Variants in INTS11 observed in about 807,000 individuals in gnomAD.
The protein encoded by INTS11 is integrator complex subunit 11.
A neutral mutation model predicts 78.6 loss-of-function variants in INTS11; 77 were observed. The observed-to-expected ratio is 0.98, with a 90% CI of 0.81 to 1.18. The LOEUF is 1.18. Ranked by LOEUF, INTS11 falls within the 50% of genes most tolerant of loss-of-function variation. The pLI is 0.00. For missense variants in INTS11, 875 were observed against 825.9 expected, an observed-to-expected ratio of 1.06 and a Z score of -0.73; for synonymous variants, 441 against 326.9, an observed-to-expected ratio of 1.35 and a Z score of -3.77.
chr1:1,314,367 T>C lies in INTS11; in HGVS notation c.703-2A>G. 6.2e-7 allele frequency: 1 copy of C among 1,604,810 alleles called. No homozygotes were observed. The highest frequency in any genetic ancestry group is 8.5e-7 in the Non-Finnish European group (1 of 1,176,004). ...CAGCGCGAACACAGGTATCAGCACC[T>C]GAGGGGGACACAAGGCAGGAGCCCT... On this transcript the variant is annotated splice_acceptor_variant, in intron 7 of 16. Coordinates refer to ENST00000435064, the MANE Select transcript of INTS11 (RefSeq NM_017871.6). LOFTEE classifies it high-confidence loss of function. This position sits in a 1 kb window ranked among gnomAD's most constrained non-coding sequence, Gnocchi z 4.2.
chr1:1,313,054 T>G lies in INTS11; in HGVS notation c.1112A>C (p.Glu371Ala). The stretch of plus-strand genomic sequence containing the variant: ...ACTCACCACCTGCCGCCCCTCCATC[T>G]CGAGCTTCCGCTGCCCGCTGAGGAT... ...HKILSGQRKL[E>A]MEGRQVLEVK... Residue 371 changes from glutamate (E) to alanine (A), a missense_variant, in exon 11 of 17, where the codon GAG (glutamate) becomes GCG (alanine). Transcript: ENST00000435064. 1.2e-6 allele frequency: 2 copies of G among 1,610,644 alleles called. No individual in the cohort carries two copies. The highest frequency in any genetic ancestry group is 1.7e-6 in the Non-Finnish European group (2 of 1,179,822).
Position 1,312,954 on chromosome 1 carries a change from A to G in INTS11, c.1132-5T>C, listed in dbSNP as rs1312106942. ...CACCTGCATCTTGACCTCCAGCTAC[A>G]GAGGCCACGGGGCGTGGACAGTGGT... is the stretch of plus-strand genomic sequence containing the variant. On this transcript the variant is annotated splice_region_variant and splice_polypyrimidine_tract_variant and intron_variant, in intron 11 of 16. Coordinates refer to ENST00000435064, the MANE Select transcript of INTS11 (RefSeq NM_017871.6). 5 of 1,611,582 alleles carry G rather than the reference A, an allele frequency of 3.1e-6. No homozygotes were observed. The highest frequency in any genetic ancestry group is 1.6e-4 in the Middle Eastern group (1 of 6,080).
In INTS11 at chr1:1,312,380, G is replaced by T; in HGVS notation, c.1465-12C>A. On this transcript the variant is annotated splice_polypyrimidine_tract_variant and intron_variant, in intron 14 of 16. Transcript: ENST00000435064. ...ACCAGCCGGAAGTTCTGTGGGGCAG[G>T]GACAGGTCAGTGAGCGCAGCAGCGG... The T allele has an allele frequency of 6.4e-7, 1 of 1,567,288 alleles. No individual in the cohort carries two copies. Among genetic ancestry groups the T allele is most frequent in the East Asian group, 2.3e-5 (1 of 42,632 alleles).
At position 1,314,638 on chromosome 1, in the gene INTS11, G is replaced by A. The variant is rs1454575405; in HGVS notation, c.702+186C>T. The A allele has an allele frequency of 5.2e-6, 4 of 768,482 alleles. No individual in the cohort carries two copies. Among genetic ancestry groups the A allele is most frequent in the Non-Finnish European group, 8.2e-6 (4 of 487,166 alleles). 47.6% of individuals were successfully genotyped at this position (768,482 alleles called of 1,614,324 possible). A position where few individuals can be genotyped will look rare whatever the true frequency, so the allele number is the denominator to read the frequency against. On this transcript the variant is annotated intron_variant, in intron 7 of 16. Coordinates refer to ENST00000435064, the MANE Select transcript of INTS11 (RefSeq NM_017871.6). The surrounding 1 kb of genome is among the most constrained non-coding windows in gnomAD (Gnocchi z 4.2). The stretch of plus-strand genomic sequence containing the variant: ...TCCGCACCTGAGGTAGGAGGGAAAA[G>A]GGGCTCCCTAGGAAAGGGTCTCTGA...
At position 1,312,138 on chromosome 1, in the gene INTS11, C is replaced by T; in HGVS notation, c.1617G>A (p.Lys539=). The T allele has an allele frequency of 6.5e-7, 1 of 1,540,320 alleles. No individual in the cohort carries two copies. The highest frequency in any genetic ancestry group is 8.7e-7 in the Non-Finnish European group (1 of 1,144,158). ...RVYSHLKSVL[K]DHCVQHLPDG... ...CTGGGAGGTGCTGCACACAGTGGTC[C>T]TTCAGGACGCTGTGGGGAGGCTCGG... The change falls in exon 16 of 17, where the codon AAG becomes AAA. Residue 539 remains lysine, a synonymous_variant. Transcript: ENST00000435064.
Position 1,312,209 on chromosome 1 carries a change from CGGG to C in INTS11, c.1607+14_1607+16del. The C allele has an allele frequency of 3.5e-6, 3 of 863,226 alleles. No individual in the cohort carries two copies. Among genetic ancestry groups the C allele is most frequent in the East Asian group, 6.4e-5 (2 of 31,286 alleles). The allele number at this position is 863,226 out of a possible 1,614,324, so 53.5% of individuals were successfully genotyped here. On this transcript the variant is annotated intron_variant, in intron 15 of 16. Coordinates refer to ENST00000435064, the MANE Select transcript of INTS11 (RefSeq NM_017871.6). ...AGGGCCCAAGGGAGTGGGGGGGGGG[CGGG>C]GCCGGGCGCCCACCTCTTGAGGTGG...
intron 4 of INTS11, chr1:1,318,869 T>A: frequency 1.5e-6 from 1 of 655,588 alleles, no homozygotes. Context: ...CCTTCACTTC[T>A]TCCCTGACCC....
At chr1:1,323,689 G>A (rs1043168398) in intron 1 of INTS11, among the ~76,000 whole-genome samples, 1 of 151,264 alleles carries the variant, frequency 6.6e-6, no homozygotes, top group African/African-American at 2.4e-5. Flanking sequence ...GTGATTGCAG[G>A]CGTGAGCCAC....
chr1:1,320,836 C>T (rs757434118), intron 2 of INTS11, 160 bp downstream of exon 2: 2 of 774,862 alleles, frequency 2.6e-6, no homozygotes, highest in South Asian at 2.9e-5. Context: ...TGCAGGGGCT[C>T]ACCTCGGCCA....
chr1:1,315,681 GGCGGGGGACGGGAAGC>G (rs1459389590), intron 4 of INTS11, 63 bp from the exon 5 acceptor site: 5 of 916,644 alleles, frequency 5.5e-6, no homozygotes, highest in African/African-American at 1.8e-5. Flanking sequence ...GAGTGAGGGA[GGCGGGGGACGGGAAGC>G]GCGGGAGGCG....
Position 1,311,885 on chromosome 1 carries a change from T to C in INTS11, c.1777A>G (p.Lys593Glu). Reference protein sequence around the residue: ...LGSFLTSLLKKGLPQAPS With the variant: ...LGSFLTSLLKEGLPQAPS The stretch of plus-strand genomic sequence containing the variant: ...CAGCTGGGGGCCTGGGGGAGGCCCT[T>C]CTTCAGCAGAGATGTGAGGAAGCTC... Residue 593 changes from lysine (K) to glutamate (E), a missense_variant, in exon 17 of 17, where the codon AAG becomes GAG. By Grantham distance (56) the Lys-to-Glu change is moderately conservative. Coordinates refer to ENST00000435064, the MANE Select transcript of INTS11 (RefSeq NM_017871.6). The C allele has an allele frequency of 1.9e-6, 3 of 1,567,168 alleles. No individual in the cohort carries two copies. The highest frequency in any genetic ancestry group is 2.6e-6 in the Non-Finnish European group (3 of 1,156,344).
intron 16 of INTS11, 40 bp downstream of exon 16, chr1:1,311,978 T>TA: frequency 6.3e-7 from 1 of 1,599,066 alleles, no homozygotes; most frequent in South Asian, 1.1e-5. Context: ...GGAATGTTGA[T>TA]ACCTGTGTTG....
At chr1:1,319,757 T>C in intron 3 of INTS11, 1 of 554,860 alleles carries the variant, frequency 1.8e-6, no homozygotes, top group Non-Finnish European at 3.2e-6. Context: ...GACGGCGACA[T>C]GCTCGCGAGA....
chr1:1,318,371 G>A (rs528750181), intron 4 of INTS11, among the ~76,000 whole-genome samples: 11 of 152,224 alleles, frequency 7.2e-5, no homozygotes, highest in African/African-American at 2.6e-4. Flanking sequence ...ATGTACTGAG[G>A]GAGTTGCCAG....
Position 1,311,827 on chromosome 1 carries a change from G to C in INTS11, c.*32C>G, listed in dbSNP as rs538583128. ...CCCAGGGTCTGTCCAGCTGGGAGAG[G>C]GCAGAGGTGGCGGCTGGGTGAGTTG... On this transcript the variant is annotated 3_prime_UTR_variant, in exon 17 of 17. Transcript: ENST00000435064. The C allele has an allele frequency of 4.6e-6, 7 of 1,533,566 alleles. No individual in the cohort carries two copies. The African/African-American group carries it at 9.7e-5, about 21-fold the overall frequency. The allele number at this position is 1,533,566 out of a possible 1,614,324, so 95.0% of individuals were successfully genotyped here.
At chr1:1,322,830 G>A (rs1468667063) in intron 1 of INTS11, 15 of 1,036,306 alleles carry the variant, frequency 1.4e-5, no homozygotes, top group African/African-American at 1.0e-4. Flanking sequence ...GCGCGGACAC[G>A]GAGCCCGAGG....
chr1:1,319,625 C>T (rs1435701045), intron 3 of INTS11, 101 bp from the exon 4 acceptor site: 39 of 753,898 alleles, frequency 5.2e-5, no homozygotes, highest in Middle Eastern at 7.9e-4. Context: ...GCCTGCTGTG[C>T]GCCAGGCCTC....
chr1:1,312,261 C>G lies in INTS11; in HGVS notation c.1572G>C (p.Gln524His). ...GGCTGTAGACGCGCAATGCCGTCTC[C>G]TGCTCCTTGCGTGTGTCATGCAGGT... ...RVHLHDTRKE[Q>H]ETALRVYSHL... Residue 524 changes from glutamine (Q) to histidine (H), a missense_variant, in exon 15 of 17, where the codon CAG becomes CAC. Coordinates refer to ENST00000435064, the MANE Select transcript of INTS11 (RefSeq NM_017871.6). The G allele has an allele frequency of 6.5e-7, 1 of 1,548,710 alleles. No individual in the cohort carries two copies. Among genetic ancestry groups the G allele is most frequent in the Non-Finnish European group, 8.7e-7 (1 of 1,146,488 alleles).
At chr1:1,323,554 A>G (rs958775871) in intron 1 of INTS11, among the ~76,000 whole-genome samples, 1 of 147,846 alleles carries the variant, frequency 6.8e-6, no homozygotes, top group Non-Finnish European at 1.5e-5. Flanking sequence ...ACAGGCACAC[A>G]CCACCACGCC....
Sources: allele counts gnomAD v4.1 joint callset (sites outside exome capture counted in the v4.1 genomes callset), GRCh38; gene constraint gnomAD v4.1.1; non-coding constraint Gnocchi (gnomAD v3.1); transcripts MANE v1.5; gene names NCBI Gene and HGNC (gene_info 2026-07-23, HGNC 2026-07-21).